SHANK2: variants seen among roughly 807,000 people sequenced by gnomAD.
SHANK2 encodes SH3 and multiple ankyrin repeat domains 2, also known as SH3 and multiple ankyrin repeat domains protein 2.
SHANK2 carries 43 observed loss-of-function variants against 133.7 expected under a neutral mutation model. That is an observed-to-expected ratio of 0.32 (90% CI 0.25 to 0.41). The LOEUF is 0.41. Ranked by LOEUF, SHANK2 falls within the 10% of genes least tolerant of loss-of-function variation. SHANK2 has a pLI of 1.00. For synonymous variants in SHANK2, 1,017 were observed against 952.8 expected, an observed-to-expected ratio of 1.07 and a Z score of -1.24; for missense variants, 1,994 against 2,235.8, an observed-to-expected ratio of 0.89 and a Z score of 2.18.
At chr11:70,848,090 T>A (rs1949024080) in intron 11 of SHANK2, among the ~76,000 whole-genome samples, 1 of 152,212 alleles carries the variant, frequency 6.6e-6, no homozygotes, top group Non-Finnish European at 1.5e-5. Flanking sequence ...TGAGGTCCGC[T>A]GGGCTTCATT....
chr11:71,092,468 G>T lies in SHANK2; in HGVS notation c.866C>A (p.Ala289Asp). The T allele has an allele frequency of 6.4e-7, 1 of 1,551,656 alleles. No individual in the cohort carries two copies. Residue 289 changes from alanine to aspartate, a missense_variant, in exon 8 of 26, where the codon GCC (alanine) becomes GAC (aspartate). Physicochemically the swap from Ala to Asp is moderately radical, Grantham distance 126. Coordinates refer to ENST00000601538, the MANE Select transcript of SHANK2 (RefSeq NM_012309.5). ...GTTCTCATCTTTGCAGCACACAGTGGCGTGTTCGTGCAGGAGAAGCTCGCA... is the reference window on the plus strand; with the variant it reads ...GTTCTCATCTTTGCAGCACACAGTGTCGTGTTCGTGCAGGAGAAGCTCGCA... Reference protein sequence around the residue: ...YCCELLLHEHATVCCKDENGW... With the variant: ...YCCELLLHEHDTVCCKDENGW...
In SHANK2 at chr11:71,071,522, C is replaced by T. The variant is rs983533761; in HGVS notation, c.1029+3637G>A. 3.1e-4 allele frequency among the ~76,000 whole-genome samples: 47 copies of T among 152,338 alleles called. No individual in the cohort carries two copies. In the South Asian group the frequency reaches 9.5e-3, roughly 31 times the overall value. On this transcript the variant is annotated intron_variant, in intron 9 of 25. Coordinates refer to ENST00000601538, the MANE Select transcript of SHANK2 (RefSeq NM_012309.5). ...GAAAACAGGGAAGGCATAATAACTG[C>T]CTGGTCCTGGACATTTTGCCCTGGC...
chr11:70,879,896 C>T lies in SHANK2; in HGVS notation c.1174+16605G>A, dbSNP rs114214551. On this transcript the variant is annotated intron_variant, in intron 11 of 25. Coordinates refer to ENST00000601538, the MANE Select transcript of SHANK2 (RefSeq NM_012309.5). ...AAGGAGTCAGGGAAAGCGGAGTCCACAGGGATCCCAGGCCTCTCCCAGGAA... is the reference window on the plus strand; with the variant it reads ...AAGGAGTCAGGGAAAGCGGAGTCCATAGGGATCCCAGGCCTCTCCCAGGAA... 4.8e-3 allele frequency among the ~76,000 whole-genome samples: 735 copies of T among 152,324 alleles called. 8 individuals are homozygous for T. Among genetic ancestry groups the T allele is most frequent in the African/African-American group, 0.017 (714 of 41,580 alleles).
At chr11:70,632,349 T>C (rs1299233081) in intron 17 of SHANK2, among the ~76,000 whole-genome samples, 1 of 151,812 alleles carries the variant, frequency 6.6e-6, no homozygotes, top group Non-Finnish European at 1.5e-5. Flanking sequence ...ATGGTCTCGA[T>C]CTCCTGACCT....
chr11:71,143,024 A>G (rs1952585388), intron 3 of SHANK2, among the ~76,000 whole-genome samples: 2 of 152,176 alleles, frequency 1.3e-5, no homozygotes, highest in Non-Finnish European at 2.9e-5. Context: ...ACCTGAGGTC[A>G]GGAGTTCAAG....
At chr11:70,757,693 A>T (rs1275426003) in intron 14 of SHANK2, among the ~76,000 whole-genome samples, 1 of 152,144 alleles carries the variant, frequency 6.6e-6, no homozygotes, top group Non-Finnish European at 1.5e-5. Context: ...CTGCTCATGG[A>T]TGCCTGCAGA....
At chr11:71,065,600 T>G in intron 9 of SHANK2, among the ~76,000 whole-genome samples, 2 of 70,776 alleles carry the variant, frequency 2.8e-5, no homozygotes, top group Admixed American at 2.0e-4. Context: ...AGATGAGCAG[T>G]GAGTGGGGAC....
chr11:70,735,576 C>T (rs1024397491), intron 14 of SHANK2, among the ~76,000 whole-genome samples: 1 of 151,932 alleles, frequency 6.6e-6, no homozygotes, highest in Non-Finnish European at 1.5e-5. Flanking sequence ...TGGTGGCGGG[C>T]GCCTGTAATC....
chr11:70,502,740 C>CA, intron 18 of SHANK2, 56 bp downstream of exon 18: 1 of 521,968 alleles, frequency 1.9e-6, no homozygotes, highest in Non-Finnish European at 3.1e-6. Context: ...TGCCCGCCCC[C>CA]ACCCCCCCCC....
At chr11:71,224,024 T>C (rs1283768874) in intron 2 of SHANK2, among the ~76,000 whole-genome samples, 1 of 152,226 alleles carries the variant, frequency 6.6e-6, no homozygotes, top group Non-Finnish European at 1.5e-5. Context: ...GCCCAGTGTG[T>C]GGTCAAGCCA....
rs549747126 is a variant in SHANK2 at position 70,640,078 on chromosome 11, C to G, written c.2061+19750G>C. ...GTGTCGCCAATGGTAAGCAGGCAAC[C>G]TGGGGCCACGCACAGCTAGTGCAGT... On this transcript the variant is annotated intron_variant, in intron 17 of 25. Transcript: ENST00000601538. Among the ~76,000 whole-genome samples, 3 of 152,342 alleles carry G rather than the reference C, an allele frequency of 2.0e-5. No homozygotes were observed. The East Asian group carries it at 5.8e-4, about 29-fold the overall frequency.
intron 5 of SHANK2, among the ~76,000 whole-genome samples, chr11:71,111,410 C>T (rs1308993533): frequency 6.6e-6 from 1 of 152,176 alleles, no homozygotes; most frequent in Non-Finnish European, 1.5e-5. Context: ...CATGATGGTC[C>T]GCAGATCAAC....
chr11:71,056,902 C>T (rs1950928845), intron 9 of SHANK2, among the ~76,000 whole-genome samples: 1 of 152,148 alleles, frequency 6.6e-6, no homozygotes, highest in Admixed American at 6.5e-5. Flanking sequence ...AGCTAGCATA[C>T]ATGTTCTAAA....
chr11:71,217,882 G>A (rs567686487), intron 2 of SHANK2, among the ~76,000 whole-genome samples: 24 of 152,266 alleles, frequency 1.6e-4, no homozygotes, highest in East Asian at 1.9e-4. Context: ...ACAGAGTCTC[G>A]CTCTGTCGCC....
At position 70,903,206 on chromosome 11, in the gene SHANK2, G is replaced by A. The variant is rs575280606; in HGVS notation, c.1108-6639C>T. Among the ~76,000 whole-genome samples, 47 of 151,756 alleles carry A rather than the reference G, an allele frequency of 3.1e-4. No individual in the cohort carries two copies. In the East Asian group the frequency reaches 8.2e-3, roughly 26 times the overall value. On this transcript the variant is annotated intron_variant, in intron 10 of 25. Transcript: ENST00000601538. ...AGCCTTCCCAACACGGTGAATCCCC[G>A]TCTTTACTAAAAATACAAAAATTAG...
chr11:70,884,047 G>C (rs1590794955), intron 11 of SHANK2, among the ~76,000 whole-genome samples: 1 of 152,228 alleles, frequency 6.6e-6, no homozygotes, highest in Non-Finnish European at 1.5e-5. Flanking sequence ...GGCGCTCAGG[G>C]GCAAGGGAGG....
intron 14 of SHANK2, among the ~76,000 whole-genome samples, chr11:70,754,921 G>T (rs1946833892): frequency 6.6e-6 from 1 of 152,094 alleles, no homozygotes; most frequent in African/African-American, 2.4e-5. Flanking sequence ...TCGATTACAG[G>T]GAGGCACCTG....
At chr11:70,610,881 G>A (rs1369760206) in intron 17 of SHANK2, among the ~76,000 whole-genome samples, 1 of 152,184 alleles carries the variant, frequency 6.6e-6, no homozygotes, top group African/African-American at 2.4e-5. Flanking sequence ...AAATCTTTCT[G>A]AGCTCAAAAC....
chr11:70,910,917 C>G, intron 10 of SHANK2: 1 of 452,490 alleles, frequency 2.2e-6, no homozygotes. Context: ...TGTGTGTGCG[C>G]GTGCATGTGC....
Sources: gnomAD v4.1 joint callset for allele counts (sites outside exome capture counted in the v4.1 genomes callset) on GRCh38, gnomAD v4.1.1 for gene constraint, MANE v1.5 for transcripts, NCBI Gene and HGNC (gene_info 2026-07-23, HGNC 2026-07-21) for gene names.